The following CDH4 variants were observed in gnomAD, a reference collection of about 807,000 sequenced individuals.
The protein encoded by CDH4 is cadherin-4.
CDH4 carries 33 observed loss-of-function variants against 86.0 expected under a neutral mutation model. That is an observed-to-expected ratio of 0.38 (90% CI 0.29 to 0.51). The LOEUF is 0.51. CDH4 is among the 20% of genes least tolerant of loss of function. The pLI, the probability that CDH4 is intolerant of heterozygous loss-of-function variation, is 0.86. For missense variants in CDH4, 1,114 were observed against 1,307.4 expected (o/e 0.85, Z 2.28); for synonymous variants, 555 against 549.4 (o/e 1.01, Z -0.14).
At position 61,899,744 on chromosome 20, in the gene CDH4, G is replaced by T. The variant is rs1025988827; in HGVS notation, c.1188+4697G>T. Among the ~76,000 whole-genome samples, 8 of 152,268 alleles carry T rather than the reference G, an allele frequency of 5.3e-5. No homozygotes were observed. In the East Asian group the frequency reaches 1.4e-3, roughly 26 times the overall value. ...ACCCAGCCCAGGTTAAATATTTTTT[G>T]AATAAAGAGGGAAGGGAGTCGTGGT... is the stretch of plus-strand genomic sequence containing the variant. On this transcript the variant is annotated intron_variant, in intron 8 of 15. Transcript: ENST00000614565.
chr20:61,307,368 C>G (rs551116177), intron 2 of CDH4, among the ~76,000 whole-genome samples: 2 of 152,276 alleles, frequency 1.3e-5, no homozygotes, highest in East Asian at 3.9e-4. Context: ...CCTACATGCT[C>G]CAAAACACAT....
In CDH4 at chr20:61,937,408, G is replaced by T. The variant is rs1177402305; in HGVS notation, c.*465G>T. On this transcript the variant is annotated 3_prime_UTR_variant, in exon 16 of 16. Coordinates refer to ENST00000614565, the MANE Select transcript of CDH4 (RefSeq NM_001794.5). ...GAAGGCATCATTCAGAAATGGGGGA[G>T]ACTGTGTCTGTCTTTCTTACTTTTT... The T allele has an allele frequency of 1.3e-5, 2 of 153,626 alleles. No individual in the cohort carries two copies. Among genetic ancestry groups the T allele is most frequent in the African/African-American group, 4.8e-5 (2 of 41,498 alleles). 9.5% of individuals were successfully genotyped at this position (153,626 alleles called of 1,614,324 possible).
Position 61,338,178 on chromosome 20 carries a change from A to ATGCAT in CDH4, c.169+83242_169+83246dup, listed in dbSNP as rs1415601107. Among the ~76,000 whole-genome samples, 7 of 152,316 alleles carry ATGCAT rather than the reference A, an allele frequency of 4.6e-5. No individual in the cohort carries two copies. The South Asian group carries it at 1.4e-3, about 32-fold the overall frequency. Reference sequence around the variant, plus strand: ...TGACCAAGGAAAGAAATATTAGACAATGCATAGCTTCATTGTTCAACTATT... The same window carrying ATGCAT: ...TGACCAAGGAAAGAAATATTAGACAATGCATTGCATAGCTTCATTGTTCAACTATT... On this transcript the variant is annotated intron_variant, in intron 2 of 15. Coordinates refer to ENST00000614565, the MANE Select transcript of CDH4 (RefSeq NM_001794.5).
chr20:61,884,205 C>T (rs1316017894), intron 7 of CDH4, among the ~76,000 whole-genome samples: 2 of 152,140 alleles, frequency 1.3e-5, no homozygotes, highest in Non-Finnish European at 2.9e-5. Flanking sequence ...CCAGTGAACA[C>T]GGCCAGAGCT....
intron 2 of CDH4, among the ~76,000 whole-genome samples, chr20:61,559,556 T>C (rs2086201740): frequency 7.3e-6 from 1 of 137,334 alleles, no homozygotes; most frequent in Admixed American, 7.8e-5. Flanking sequence ...AGTCTCACTC[T>C]GTGTGTGGCC....
rs570369834 is a variant in CDH4, at chr20:61,516,161, G to A, written c.170-227402G>A. On this transcript the variant is annotated intron_variant, in intron 2 of 15. Coordinates refer to ENST00000614565, the MANE Select transcript of CDH4 (RefSeq NM_001794.5). This position sits in a 1 kb window ranked among gnomAD's most constrained non-coding sequence, Gnocchi z 4.0. ...AATTCTGCAGCCAGGCCCTTGGGCC[G>A]TGGGCCGGAGGGGACGCTGGCCACC... is the stretch of plus-strand genomic sequence containing the variant. 3.3e-4 allele frequency among the ~76,000 whole-genome samples: 50 copies of A among 152,326 alleles called. No individual in the cohort carries two copies. Among genetic ancestry groups the A allele is most frequent in the African/African-American group, 1.1e-3 (46 of 41,552 alleles).
At position 61,773,154 on chromosome 20, in the gene CDH4, G is replaced by A. The variant is rs1035268864; in HGVS notation, c.548G>A (p.Arg183His). The A allele has an allele frequency of 6.3e-7, 1 of 1,591,812 alleles. No homozygotes were observed. The highest frequency in any genetic ancestry group is 8.6e-7 in the Non-Finnish European group (1 of 1,169,574). The change falls in exon 4 of 16, where the codon CGC (arginine) becomes CAC (histidine). Residue 183 changes from arginine to histidine, a missense_variant. Around this residue, in one of 3 missense-constraint regions of CDH4, gnomAD observed 705 missense variants for 914.1 expected, o/e 0.77. Transcript: ENST00000614565. ...IPPINVPENS[R>H]GPFPQQLVRI... ...CCCATCAACGTGCCCGAGAACTCGC[G>A]CGGGCCCTTCCCGCAGCAGCTCGTG... is the stretch of plus-strand genomic sequence containing the variant.
chr20:61,519,878 G>A (rs368127269), intron 2 of CDH4, among the ~76,000 whole-genome samples: 21 of 152,270 alleles, frequency 1.4e-4, no homozygotes, highest in East Asian at 5.8e-4. Context: ...GAAGGGCCTC[G>A]TCATGCCCAC....
rs13044959 is a variant in CDH4, at chr20:61,861,605, A to G, written c.877+8707A>G. 2.2e-3 allele frequency among the ~76,000 whole-genome samples: 73 copies of G among 33,168 alleles called. No homozygotes were observed. In the East Asian group the frequency reaches 0.086, roughly 39 times the overall value. 21.8% of individuals were successfully genotyped at this position (33,168 alleles called of 152,430 possible). A position where few individuals can be genotyped will look rare whatever the true frequency, so the allele number is the denominator to read the frequency against. On this transcript the variant is annotated intron_variant, in intron 6 of 15. Coordinates refer to ENST00000614565, the MANE Select transcript of CDH4 (RefSeq NM_001794.5). ...CAACCACAGAGAACCCAACCACAGA[A>G]AACCCAACCACAGCAGCTTGAACAA... is the stretch of plus-strand genomic sequence containing the variant.
intron 3 of CDH4, among the ~76,000 whole-genome samples, chr20:61,753,864 C>A (rs559894661): frequency 2.6e-5 from 4 of 152,208 alleles, no homozygotes; most frequent in African/African-American, 9.6e-5. Context: ...GAACTATGTC[C>A]CCTAAAATTC....
chr20:61,618,750 C>G (rs1437447490), intron 2 of CDH4, among the ~76,000 whole-genome samples: 1 of 152,208 alleles, frequency 6.6e-6, no homozygotes, highest in Non-Finnish European at 1.5e-5. Context: ...AGAATTCACT[C>G]GTGTGAGCAA....
chr20:61,282,046 A>G (rs983349510), intron 2 of CDH4, among the ~76,000 whole-genome samples: 3 of 152,194 alleles, frequency 2.0e-5, no homozygotes, highest in Non-Finnish European at 4.4e-5. Flanking sequence ...CACGCATGGC[A>G]TATTGTGGTT....
chr20:61,592,416 A>C (rs1224541882), intron 2 of CDH4, among the ~76,000 whole-genome samples: 1 of 152,228 alleles, frequency 6.6e-6, no homozygotes, highest in Non-Finnish European at 1.5e-5. Flanking sequence ...AGCCACCGTG[A>C]AAATGGCCAA....
chr20:61,792,878 C>T (rs1196819238), intron 4 of CDH4, among the ~76,000 whole-genome samples: 3 of 152,078 alleles, frequency 2.0e-5, no homozygotes, highest in Non-Finnish European at 2.9e-5. Context: ...CTTGAACTCC[C>T]GACCTTGTGA....
chr20:61,451,129 C>CCT (rs11481264), intron 2 of CDH4, among the ~76,000 whole-genome samples: 46,570 of 149,686 alleles, frequency 0.31, 7,616 homozygotes, highest in East Asian at 0.52. Context: ...CACGCCCCCC[C>CCT]CCTTCCCTCC....
chr20:61,741,532 C>A (rs1472680278), intron 2 of CDH4, among the ~76,000 whole-genome samples: 2 of 151,468 alleles, frequency 1.3e-5, no homozygotes, highest in East Asian at 3.9e-4. Flanking sequence ...CGCTCTGTTG[C>A]GCAGGCTGGA....
rs569669598 is a variant in CDH4, at chr20:61,845,445, T to C, written c.732+622T>C. ...CGGGCCTTCTCCTCCCGGGCCGAAC[T>C]GACCCTGGCCGAGAGGAGGGGGCCT... On this transcript the variant is annotated intron_variant, in intron 5 of 15. Transcript: ENST00000614565. Among the ~76,000 whole-genome samples the C allele has an allele frequency of 1.8e-3, 275 of 152,266 alleles. 1 individual carries two copies. The highest frequency in any genetic ancestry group is 6.4e-3 in the African/African-American group (267 of 41,562).
chr20:61,464,888 CTG>C (rs1395110814), intron 2 of CDH4, among the ~76,000 whole-genome samples: 1 of 152,220 alleles, frequency 6.6e-6, no homozygotes, highest in Non-Finnish European at 1.5e-5. Context: ...GGCTTCAAAA[CTG>C]AGAGCCCAGT....
chr20:61,359,951 GA>G (rs1411526400), intron 2 of CDH4, among the ~76,000 whole-genome samples: 2 of 152,210 alleles, frequency 1.3e-5, no homozygotes, highest in African/African-American at 2.4e-5. Context: ...TTTCTGGAAG[GA>G]ATAGCAGATC....
Sources: allele counts gnomAD v4.1 joint callset (sites outside exome capture counted in the v4.1 genomes callset), GRCh38; gene constraint gnomAD v4.1.1; regional missense constraint gnomAD v4.1.1; non-coding constraint Gnocchi (gnomAD v3.1); transcripts MANE v1.5; gene names NCBI Gene and HGNC (gene_info 2026-07-23, HGNC 2026-07-21).